The following TAS2R1 variants were observed in gnomAD, a reference collection of about 807,000 sequenced individuals.
TAS2R1 encodes taste receptor type 2 member 1.
For synonymous variants in TAS2R1, 141 were observed against 134.2 expected (o/e 1.05, Z -0.35); for missense variants, 370 against 353.4 (o/e 1.05, Z -0.38).
the TAS2R1 span, among the ~76,000 whole-genome samples, chr5:9,835,342 G>A: frequency 6.6e-6 from 1 of 152,208 alleles, no homozygotes; most frequent in Non-Finnish European, 1.5e-5. Context: ...CGCTACACTA[G>A]AAACACCTTT....
rs559110045 is a variant in TAS2R1 at position 9,678,510 on chromosome 5, A to G, written c.-241-18929T>C. Among the ~76,000 whole-genome samples the G allele has an allele frequency of 4.6e-5, 7 of 152,330 alleles. No individual in the cohort carries two copies. The East Asian group carries it at 1.4e-3, about 29-fold the overall frequency. ...TGTTCATTGCAGCACTATTCACAGT[A>G]GCAAAGACATGGAATCAACCCAAAT... On this transcript the variant is annotated intron_variant, in intron 1 of 2. Coordinates refer to the TAS2R1 transcript ENST00000506620.
At chr5:9,896,914 G>T in the TAS2R1 span, among the ~76,000 whole-genome samples, 2 of 152,182 alleles carry the variant, frequency 1.3e-5, no homozygotes, top group Admixed American at 1.3e-4. Flanking sequence ...ACAACAATTT[G>T]GCTCCGATCC....
At chr5:9,836,491 A>T in the TAS2R1 span, among the ~76,000 whole-genome samples, 9,036 of 151,904 alleles carry the variant, frequency 0.059, 631 homozygotes, top group East Asian at 0.23. Flanking sequence ...ATCCCTCCAT[A>T]CGCCCCAGGT....
the TAS2R1 span, among the ~76,000 whole-genome samples, chr5:9,867,901 G>A: frequency 1.3e-5 from 2 of 152,172 alleles, no homozygotes; most frequent in African/African-American, 4.8e-5. Flanking sequence ...AAACAAAGGA[G>A]CTACAGGCCC....
At chr5:9,678,961 G>A (rs1447150194) in intron 1 of TAS2R1, among the ~76,000 whole-genome samples, 4 of 152,116 alleles carry the variant, frequency 2.6e-5, no homozygotes, top group Non-Finnish European at 5.9e-5. Flanking sequence ...AAAAAATGGT[G>A]TCTTTTAATA....
the TAS2R1 span, among the ~76,000 whole-genome samples, chr5:9,751,688 C>T: frequency 3.3e-3 from 508 of 152,276 alleles, 4 homozygotes; most frequent in Non-Finnish European, 5.5e-3. Flanking sequence ...AATGAGATTA[C>T]ATGACTATTC....
chr5:9,762,321 A>G, the TAS2R1 span, among the ~76,000 whole-genome samples: 2 of 152,148 alleles, frequency 1.3e-5, no homozygotes, highest in African/African-American at 4.8e-5. Context: ...AAGGCACAAA[A>G]CAGGATATTG....
chr5:9,763,508 A>G, the TAS2R1 span, among the ~76,000 whole-genome samples: 2 of 152,262 alleles, frequency 1.3e-5, no homozygotes, highest in South Asian at 4.1e-4. Context: ...CATCTCAAAA[A>G]AAAAAGAAAA....
chr5:9,670,952 T>C (rs1380266179), intron 1 of TAS2R1, among the ~76,000 whole-genome samples: 1 of 152,176 alleles, frequency 6.6e-6, no homozygotes, highest in Non-Finnish European at 1.5e-5. Context: ...CATGATCAAG[T>C]AGACTTTATT....
upstream of TAS2R1, among the ~76,000 whole-genome samples, chr5:9,716,259 G>A (rs1000764899): frequency 3.3e-5 from 5 of 152,126 alleles, no homozygotes; most frequent in African/African-American, 1.2e-4. Flanking sequence ...CTCTTGTTCT[G>A]GGGTGGGGAA....
chr5:9,628,697 C>T lies in TAS2R1; in HGVS notation c.*436G>A, dbSNP rs906416079. On this transcript the variant is annotated 3_prime_UTR_variant, in exon 1 of 1. Transcript: ENST00000382492. Reference sequence around the variant, plus strand: ...TCAGGAAAAACCATCAAAGACAAGGCGTCAGATATTCATGGACCATACAGC... The same window carrying T: ...TCAGGAAAAACCATCAAAGACAAGGTGTCAGATATTCATGGACCATACAGC... Among the ~76,000 whole-genome samples, 1 of 152,188 alleles carries T rather than the reference C, an allele frequency of 6.6e-6. No homozygotes were observed. Among genetic ancestry groups the T allele is most frequent in the African/African-American group, 2.4e-5 (1 of 41,442 alleles).
chr5:9,882,432 C>CT, the TAS2R1 span, among the ~76,000 whole-genome samples: 88 of 152,216 alleles, frequency 5.8e-4, no homozygotes, highest in South Asian at 2.1e-3. Context: ...TCAAGACCAG[C>CT]TAGGCCAACA....
At chr5:9,725,269 G>GGCCGGA in the TAS2R1 span, among the ~76,000 whole-genome samples, 1 of 152,248 alleles carries the variant, frequency 6.6e-6, no homozygotes, top group African/African-American at 2.4e-5. Flanking sequence ...GGCTGGCCAA[G>GGCCGGA]GCCGGAGCCG....
At chr5:9,772,712 TA>T in the TAS2R1 span, among the ~76,000 whole-genome samples, 1 of 152,132 alleles carries the variant, frequency 6.6e-6, no homozygotes, top group Non-Finnish European at 1.5e-5. Context: ...AAAATTGTTA[TA>T]TACTCTTATG....
At chr5:9,648,144 C>T (rs1740231455) in intron 2 of TAS2R1, among the ~76,000 whole-genome samples, 1 of 151,944 alleles carries the variant, frequency 6.6e-6, no homozygotes, top group African/African-American at 2.4e-5. Context: ...GGCTACACAG[C>T]AGTATGGATT....
At chr5:9,824,608 G>A in the TAS2R1 span, among the ~76,000 whole-genome samples, 4 of 152,158 alleles carry the variant, frequency 2.6e-5, no homozygotes, top group Admixed American at 6.5e-5. Context: ...GCACTTTGGG[G>A]GGCCGAGGCA....
chr5:9,687,491 C>A (rs115268153), intron 1 of TAS2R1, among the ~76,000 whole-genome samples: 4,299 of 152,106 alleles, frequency 0.028, 73 homozygotes, highest in Middle Eastern at 0.055. Flanking sequence ...CTGAAGCAGG[C>A]CCCTCTGACC....
At chr5:9,666,837 C>A (rs1740643594) in intron 1 of TAS2R1, among the ~76,000 whole-genome samples, 2 of 152,178 alleles carry the variant, frequency 1.3e-5, no homozygotes, top group Non-Finnish European at 2.9e-5. Flanking sequence ...CTATTATATA[C>A]TATCCCAAGT....
chr5:9,801,508 C>G, the TAS2R1 span, among the ~76,000 whole-genome samples: 1 of 152,302 alleles, frequency 6.6e-6, no homozygotes, highest in Non-Finnish European at 1.5e-5. Context: ...CAGGAACATA[C>G]CAGGAAAGCC....
Sources: gnomAD v4.1 joint callset for allele counts (sites outside exome capture counted in the v4.1 genomes callset) on GRCh38, gnomAD v4.1.1 for gene constraint, MANE v1.5 for transcripts, NCBI Gene and HGNC (gene_info 2026-07-23, HGNC 2026-07-21) for gene names.